The following ARHGEF4 variants were observed in gnomAD, a reference collection of about 807,000 sequenced individuals.
ARHGEF4 encodes the protein APC-stimulated guanine nucleotide exchange factor 1.
Under a neutral mutation model 162.0 loss-of-function variants are expected in ARHGEF4, and 119 were observed. That is an observed-to-expected ratio of 0.73 (90% CI 0.63 to 0.86). The LOEUF (loss-of-function observed/expected upper bound fraction) is 0.86, where lower values mean the gene tolerates loss of function less well. Ranked by LOEUF, ARHGEF4 falls within the 40% of genes least tolerant of loss-of-function variation. ARHGEF4 has a pLI of 0.00. For missense variants in ARHGEF4, 2,488 were observed against 2,456.0 expected (o/e 1.01, Z -0.28); for synonymous variants, 1,014 against 979.9 (o/e 1.03, Z -0.65).
intron 1 of ARHGEF4, among the ~76,000 whole-genome samples, chr2:130,908,704 A>G (rs1054646378): frequency 6.6e-6 from 1 of 152,166 alleles, no homozygotes; most frequent in African/African-American, 2.4e-5. Context: ...ATTTAAAAAA[A>G]AAAGTTTTAC....
chr2:130,990,266 A>C (rs1301880511), intron 4 of ARHGEF4, among the ~76,000 whole-genome samples: 6 of 152,170 alleles, frequency 3.9e-5, no homozygotes, highest in African/African-American at 7.2e-5. Flanking sequence ...TCTTACAAAC[A>C]GTTTGAAGAG....
chr2:130,941,462 C>T (rs533213624), intron 3 of ARHGEF4, among the ~76,000 whole-genome samples: 66 of 152,154 alleles, frequency 4.3e-4, no homozygotes, highest in African/African-American at 1.1e-3. Context: ...CCTCGGCCTC[C>T]AAAAGTTCTA....
intron 4 of ARHGEF4, among the ~76,000 whole-genome samples, chr2:130,957,693 A>G (rs1440094415): frequency 6.6e-6 from 1 of 152,186 alleles, no homozygotes; most frequent in East Asian, 1.9e-4. Context: ...TAATTAGATC[A>G]TGAAGGTGGA....
In ARHGEF4 at chr2:131,040,195, G is replaced by A. The variant is rs749350571; in HGVS notation, c.4482+3G>A. ...AGCACCTGCGCGACATCTGCGAGGT[G>A]AGGCCCGGCCGGCGGGCGGTGACTG... On this transcript the variant is annotated splice_donor_region_variant and intron_variant, in intron 7 of 13. Transcript: ENST00000409359. The A allele has an allele frequency of 1.2e-6, 2 of 1,609,792 alleles. No individual in the cohort carries two copies. Among genetic ancestry groups the A allele is most frequent in the Non-Finnish European group, 1.7e-6 (2 of 1,177,382 alleles).
chr2:130,864,690 C>T (rs1257919679), intron 1 of ARHGEF4, among the ~76,000 whole-genome samples: 1 of 152,200 alleles, frequency 6.6e-6, no homozygotes, highest in Non-Finnish European at 1.5e-5. Flanking sequence ...TGCCACTGCA[C>T]TCCAATCTGG....
intron 1 of ARHGEF4, among the ~76,000 whole-genome samples, chr2:130,854,029 C>T (rs915838529): frequency 1.3e-5 from 2 of 152,140 alleles, no homozygotes; most frequent in Non-Finnish European, 2.9e-5. Flanking sequence ...CCCTGCTCAC[C>T]TCATAGGGTC....
At position 130,916,312 on chromosome 2, in the gene ARHGEF4, G is replaced by T; in HGVS notation, c.2366G>T (p.Gly789Val). 6.5e-7 allele frequency: 1 copy of T among 1,542,570 alleles called. No homozygotes were observed. Among genetic ancestry groups the T allele is most frequent in the Non-Finnish European group, 8.7e-7 (1 of 1,144,938 alleles). ...RGLRKGAQEP[G>V]KRPTFSKVTS... ...CTCCGCAAGGGCGCGCAGGAGCCTG[G>T]GAAGCGCCCGACGTTTTCCAAGGTG... Residue 789 changes from glycine to valine, a missense_variant, in exon 2 of 14, where the codon GGG becomes GTG. By Grantham distance (109) the Gly-to-Val change is moderately radical. Coordinates refer to ENST00000409359, the MANE Select transcript of ARHGEF4 (RefSeq NM_001367493.1).
chr2:130,957,767 C>T (rs1684377660), intron 4 of ARHGEF4, among the ~76,000 whole-genome samples: 1 of 152,090 alleles, frequency 6.6e-6, no homozygotes, highest in South Asian at 2.1e-4. Flanking sequence ...GCCCTCTTTC[C>T]CACCGTGTGA....
intron 4 of ARHGEF4, among the ~76,000 whole-genome samples, chr2:130,956,833 G>C (rs1171308686): frequency 4.2e-5 from 5 of 118,994 alleles, no homozygotes; most frequent in African/African-American, 1.6e-4. Context: ...TGGGGGGAGG[G>C]GGGAGGGATA....
intron 4 of ARHGEF4, among the ~76,000 whole-genome samples, chr2:130,951,955 C>G (rs1012387566): frequency 1.3e-5 from 2 of 152,152 alleles, no homozygotes; most frequent in Non-Finnish European, 2.9e-5. Flanking sequence ...GCTTTTCTCT[C>G]ATCTACCTCC....
chr2:130,999,148 T>G (rs1216948694), intron 4 of ARHGEF4, among the ~76,000 whole-genome samples: 7 of 151,864 alleles, frequency 4.6e-5, no homozygotes, highest in Admixed American at 2.6e-4. Flanking sequence ...ATTGAGGGTT[T>G]TTTTGTTTTT....
At position 130,915,695 on chromosome 2, in the gene ARHGEF4, GC is replaced by G; in HGVS notation, c.1750del (p.Gln584LysfsTer51). On this transcript the variant is annotated frameshift_variant, in exon 2 of 14. Coordinates refer to ENST00000409359, the MANE Select transcript of ARHGEF4 (RefSeq NM_001367493.1). LOFTEE classifies it high-confidence loss of function. ...LDPNYREQAL[Q>X]GLSEFKAATV... ...ACCCCAACTACAGGGAACAGGCTTT[GC>G]AAGGTCTTTCAGAATTCAAGGCAGC... 1 of 1,550,436 alleles carries G rather than the reference GC, an allele frequency of 6.4e-7. No homozygotes were observed. The highest frequency in any genetic ancestry group is 8.7e-7 in the Non-Finnish European group (1 of 1,146,936).
At chr2:131,031,535 C>T (rs949144841) in intron 5 of ARHGEF4, among the ~76,000 whole-genome samples, 3 of 152,234 alleles carry the variant, frequency 2.0e-5, no homozygotes, top group Admixed American at 1.3e-4. Context: ...GCCCACAGGC[C>T]GTGTCTGTGT....
At chr2:130,917,949 G>A (rs919774279) in intron 2 of ARHGEF4, among the ~76,000 whole-genome samples, 7 of 151,666 alleles carry the variant, frequency 4.6e-5, no homozygotes, top group African/African-American at 1.2e-4. Context: ...AGCCTCACGA[G>A]TAGATTGGAT....
intron 12 of ARHGEF4, 137 bp downstream of exon 12, chr2:131,044,679 G>T: frequency 1.6e-6 from 2 of 1,214,288 alleles, no homozygotes; most frequent in Non-Finnish European, 2.2e-6. Flanking sequence ...GGCACCTCTA[G>T]GTCCCAGTCA....
Position 130,995,467 on chromosome 2 carries a change from A to G in ARHGEF4, c.3986-32478A>G, listed in dbSNP as rs377063245. Among the ~76,000 whole-genome samples the G allele has an allele frequency of 2.1e-4, 32 of 152,130 alleles. No homozygotes were observed. In the East Asian group the frequency reaches 4.4e-3, roughly 21 times the overall value. On this transcript the variant is annotated intron_variant, in intron 4 of 13. Coordinates refer to ENST00000409359, the MANE Select transcript of ARHGEF4 (RefSeq NM_001367493.1). ...GCTAACGTTTGTGTTTAGCGACGCC[A>G]TCATCTGGACCTCTTGTGGATCTGC...
chr2:130,869,795 C>A (rs1209622320), intron 1 of ARHGEF4, among the ~76,000 whole-genome samples: 1 of 152,172 alleles, frequency 6.6e-6, no homozygotes, highest in Non-Finnish European at 1.5e-5. Context: ...ACTGAGGCCA[C>A]CTGAAACCCT....
At chr2:131,034,805 T>G (rs10182707) in intron 5 of ARHGEF4, 4,444 of 183,406 alleles carry the variant, frequency 0.024, 133 homozygotes, top group African/African-American at 0.078. Flanking sequence ...CCCGACCCTT[T>G]CCAAGGAGGT....
intron 4 of ARHGEF4, among the ~76,000 whole-genome samples, chr2:130,998,693 TCA>T (rs1687562907): frequency 6.6e-6 from 1 of 152,246 alleles, no homozygotes; most frequent in Non-Finnish European, 1.5e-5. Flanking sequence ...TGTATATGTA[TCA>T]CAGTTTGTTT....
Sources: allele counts gnomAD v4.1 joint callset (sites outside exome capture counted in the v4.1 genomes callset), GRCh38; gene constraint gnomAD v4.1.1; transcripts MANE v1.5; gene names NCBI Gene and HGNC (gene_info 2026-07-23, HGNC 2026-07-21).